Variants in SGCZ observed in about 807,000 individuals in gnomAD.
The protein encoded by SGCZ is sarcoglycan zeta, also known as zeta-sarcoglycan.
A neutral mutation model predicts 41.3 loss-of-function variants in SGCZ; 40 were observed. The ratio of observed to expected loss-of-function variants is 0.97; its 90% CI spans 0.75 to 1.26. The LOEUF (loss-of-function observed/expected upper bound fraction) is 1.26. Ranked by LOEUF, SGCZ falls within the 50% of genes most tolerant of loss-of-function variation. SGCZ has a pLI of 0.00. For synonymous variants in SGCZ, 206 were observed against 137.5 expected (o/e 1.50, Z -3.49); for missense variants, 552 against 369.8 (o/e 1.49, Z -4.04).
At chr8:14,641,955 A>C (rs1018536720) in intron 1 of SGCZ, among the ~76,000 whole-genome samples, 3 of 151,698 alleles carry the variant, frequency 2.0e-5, no homozygotes, top group Non-Finnish European at 4.4e-5. Flanking sequence ...AAAGCTACTT[A>C]CTTCCTGAAC....
At position 14,545,438 on chromosome 8, in the gene SGCZ, GA is replaced by G. The variant is rs1803597127; in HGVS notation, c.234+9293del. On this transcript the variant is annotated intron_variant, in intron 2 of 7. Transcript: ENST00000382080. ...ACTTTTTTTTTTTTTACAAAATAGC[GA>G]AAACATAAACCCTTCTTAAGATTAT... Among the ~76,000 whole-genome samples, 2 of 148,918 alleles carry G rather than the reference GA, an allele frequency of 1.3e-5. 1 individual carries two copies. The highest frequency in any genetic ancestry group is 4.2e-4 in the South Asian group (2 of 4,754).
At chr8:14,897,975 G>A (rs1443683215) in intron 1 of SGCZ, among the ~76,000 whole-genome samples, 1 of 152,086 alleles carries the variant, frequency 6.6e-6, no homozygotes, top group Non-Finnish European at 1.5e-5. Context: ...TTGTATTTTA[G>A]TGGTGAAGAA....
At chr8:14,521,888 G>T (rs1441044881) in intron 2 of SGCZ, among the ~76,000 whole-genome samples, 1 of 152,076 alleles carries the variant, frequency 6.6e-6, no homozygotes, top group Non-Finnish European at 1.5e-5. Context: ...AATGCTAGCT[G>T]TAAGTTTGCT....
chr8:15,113,666 T>C lies in SGCZ; in HGVS notation c.39+123919A>G, dbSNP rs80020982. ...TCCTGCTTTCAGTCCCCCTTCCTCA[T>C]ACAGTCTGCCTAAAAGTCATCTTCC... On this transcript the variant is annotated intron_variant, in intron 1 of 7. Transcript: ENST00000382080. Among the ~76,000 whole-genome samples, 947 of 152,262 alleles carry C rather than the reference T, an allele frequency of 6.2e-3. 9 individuals carry two copies. Among genetic ancestry groups the C allele is most frequent in the African/African-American group, 0.021 (888 of 41,538 alleles).
At chr8:15,231,965 CAG>C in intron 1 of SGCZ, among the ~76,000 whole-genome samples, 1 of 152,272 alleles carries the variant, frequency 6.6e-6, no homozygotes, top group East Asian at 1.9e-4. Flanking sequence ...CTTCTAGTCA[CAG>C]AGAGTTTTAG....
intron 1 of SGCZ, among the ~76,000 whole-genome samples, chr8:15,187,577 G>A (rs1800385070): frequency 6.6e-6 from 1 of 151,978 alleles, no homozygotes; most frequent in Admixed American, 6.5e-5. Flanking sequence ...GCTTCATAGT[G>A]AGGAAATAGA....
At chr8:14,360,623 G>T (rs7841764) in intron 2 of SGCZ, among the ~76,000 whole-genome samples, 10,597 of 149,312 alleles carry the variant, frequency 0.071, 610 homozygotes, top group African/African-American at 0.16. Context: ...ACCGCGCCTG[G>T]CTGTTTATTT....
intron 1 of SGCZ, among the ~76,000 whole-genome samples, chr8:14,653,250 G>C (rs1051659023): frequency 6.6e-5 from 10 of 151,954 alleles, no homozygotes; most frequent in African/African-American, 2.4e-4. Context: ...TGTCAATTCT[G>C]GTTTGAGGCA....
At chr8:15,092,902 A>G (rs1338924646) in intron 1 of SGCZ, among the ~76,000 whole-genome samples, 1 of 152,220 alleles carries the variant, frequency 6.6e-6, no homozygotes, top group South Asian at 2.1e-4. Flanking sequence ...CTAACAGGAA[A>G]ACAGATGTGT....
intron 2 of SGCZ, among the ~76,000 whole-genome samples, chr8:14,469,831 C>T (rs1462892484): frequency 6.6e-6 from 1 of 152,144 alleles, no homozygotes; most frequent in Non-Finnish European, 1.5e-5. Flanking sequence ...GAGCTGAACA[C>T]ATGGAGGTTC....
chr8:14,636,297 A>T (rs1226149036), intron 1 of SGCZ, among the ~76,000 whole-genome samples: 1 of 151,920 alleles, frequency 6.6e-6, no homozygotes, highest in Non-Finnish European at 1.5e-5. Flanking sequence ...AAGGAGGAAG[A>T]TAAAATGATT....
chr8:15,092,456 T>C (rs1491002301), intron 1 of SGCZ, among the ~76,000 whole-genome samples: 1 of 152,204 alleles, frequency 6.6e-6, no homozygotes, highest in African/African-American at 2.4e-5. Flanking sequence ...GTGGGAAAAA[T>C]TTTAACAACA....
intron 1 of SGCZ, among the ~76,000 whole-genome samples, chr8:15,113,835 T>C (rs1807161696): frequency 1.3e-5 from 2 of 152,180 alleles, no homozygotes; most frequent in African/African-American, 4.8e-5. Context: ...TAATCACAGA[T>C]TTGTGAGCCA....
intron 2 of SGCZ, among the ~76,000 whole-genome samples, chr8:14,351,101 T>C (rs1803075719): frequency 6.6e-6 from 1 of 152,104 alleles, no homozygotes; most frequent in South Asian, 2.1e-4. Context: ...AACTTTCCTC[T>C]TCCTAATTTT....
chr8:15,170,476 C>T (rs1011736126), intron 1 of SGCZ, among the ~76,000 whole-genome samples: 1 of 152,220 alleles, frequency 6.6e-6, no homozygotes, highest in Non-Finnish European at 1.5e-5. Flanking sequence ...CTTTCCACCT[C>T]TCAGAGACCA....
intron 1 of SGCZ, among the ~76,000 whole-genome samples, chr8:14,850,161 T>G (rs970805152): frequency 1.3e-5 from 2 of 152,220 alleles, no homozygotes; most frequent in Non-Finnish European, 2.9e-5. Context: ...CTTCAAAGTA[T>G]CTCATATTAT....
chr8:14,433,061 A>C (rs1295437752), intron 2 of SGCZ, among the ~76,000 whole-genome samples: 1 of 152,166 alleles, frequency 6.6e-6, no homozygotes, highest in Non-Finnish European at 1.5e-5. Context: ...ACAAACAAAA[A>C]ATATATGGCT....
At chr8:14,183,044 C>G (rs988778322) in intron 4 of SGCZ, among the ~76,000 whole-genome samples, 1 of 149,378 alleles carries the variant, frequency 6.7e-6, no homozygotes. Flanking sequence ...ACTAATGTGT[C>G]GTAAAGTTGA....
At chr8:15,050,287 G>A (rs1804465383) in intron 1 of SGCZ, among the ~76,000 whole-genome samples, 1 of 152,142 alleles carries the variant, frequency 6.6e-6, no homozygotes, top group Non-Finnish European at 1.5e-5. Context: ...CCAACTGTGA[G>A]ATGATATCAA....
Sources: gnomAD v4.1 joint callset for allele counts (sites outside exome capture counted in the v4.1 genomes callset) on GRCh38, gnomAD v4.1.1 for gene constraint, MANE v1.5 for transcripts, NCBI Gene and HGNC (gene_info 2026-07-23, HGNC 2026-07-21) for gene names.